The following RSF1 variants were observed in gnomAD, a reference collection of about 807,000 sequenced individuals.
The protein encoded by RSF1 is HBV pX-associated protein 8.
RSF1 carries 13 observed loss-of-function variants against 145.2 expected under a neutral mutation model. The observed-to-expected ratio is 0.09, with a 90% confidence interval of 0.06 to 0.14. The LOEUF is 0.14. Among genes scored for constraint, RSF1 ranks in the 10% least tolerant of loss-of-function variants. The pLI is 1.00. For synonymous variants in RSF1, 577 were observed against 592.6 expected (o/e 0.97, Z 0.38); for missense variants, 1,517 against 1,718.2 (o/e 0.88, Z 2.07).
chr11:77,749,398 G>A (rs1444024683), intron 2 of RSF1, among the ~76,000 whole-genome samples: 1 of 152,150 alleles, frequency 6.6e-6, no homozygotes, highest in Non-Finnish European at 1.5e-5. Context: ...TTGAGTGCTC[G>A]GTTGAGTACC....
chr11:77,731,288 G>C (rs1961201602), intron 4 of RSF1, among the ~76,000 whole-genome samples: 1 of 152,198 alleles, frequency 6.6e-6, no homozygotes, highest in Non-Finnish European at 1.5e-5. Context: ...ACATGAAGGA[G>C]ATGATTTAGG....
At chr11:77,685,671 TAAC>T (rs1010197841) in intron 9 of RSF1, among the ~76,000 whole-genome samples, 1 of 152,180 alleles carries the variant, frequency 6.6e-6, no homozygotes, top group African/African-American at 2.4e-5. Flanking sequence ...AGGGTTAAGA[TAAC>T]AATATCTTTC....
chr11:77,862,107 G>A, the RSF1 span, among the ~76,000 whole-genome samples: 2 of 152,098 alleles, frequency 1.3e-5, no homozygotes, highest in Non-Finnish European at 2.9e-5. Context: ...CTTCTAGCAC[G>A]CAAGGTAGCA....
At chr11:77,828,388 C>G in the RSF1 span, among the ~76,000 whole-genome samples, 1 of 152,030 alleles carries the variant, frequency 6.6e-6, no homozygotes, top group Non-Finnish European at 1.5e-5. Context: ...AAAATTATAG[C>G]CGGGTGCGGT....
In RSF1 at chr11:77,676,931, C is replaced by T; in HGVS notation, c.3202G>A (p.Asp1068Asn). The T allele has an allele frequency of 3.0e-6, 4 of 1,343,960 alleles. No homozygotes were observed. Among genetic ancestry groups the T allele is most frequent in the African/African-American group, 1.5e-5 (1 of 66,672 alleles). 83.3% of individuals were successfully genotyped at this position (1,343,960 alleles called of 1,614,324 possible). A position where few individuals can be genotyped will look rare whatever the true frequency, so the allele number is the denominator to read the frequency against. The change falls in exon 13 of 16, where the codon GAT (aspartate) becomes AAT (asparagine). Residue 1068 changes from aspartate to asparagine, a missense_variant. Physicochemically the swap from Asp to Asn is conservative, Grantham distance 23. Transcript: ENST00000308488. ...CGTTTATTTTCTTTTCTTTCTTCAT[C>T]CAAAATAGTAGAGATGTCTTTCCCA... Reference protein sequence around the residue: ...HRGKDISTILDEERKENKRPQ... With the variant: ...HRGKDISTILNEERKENKRPQ...
the RSF1 span, among the ~76,000 whole-genome samples, chr11:77,867,426 C>A: frequency 6.6e-6 from 1 of 152,194 alleles, no homozygotes; most frequent in Non-Finnish European, 1.5e-5. Context: ...AACTCCATTT[C>A]TTCTCATCCT....
chr11:77,680,517 A>G, intron 11 of RSF1, among the ~76,000 whole-genome samples: 1 of 152,180 alleles, frequency 6.6e-6, no homozygotes, highest in South Asian at 2.1e-4. Flanking sequence ...TGGGAGGCTG[A>G]GGCAGTAGGA....
rs369398739 is a variant in RSF1 at position 77,786,699 on chromosome 11, CCCT to C, written c.188-22013_188-22011del. On this transcript the variant is annotated intron_variant, in intron 1 of 15. Coordinates refer to ENST00000308488, the MANE Select transcript of RSF1 (RefSeq NM_016578.4). ...ATATTACATCAAGATGGTGGGCTCA[CCCT>C]CCTGCCCAAATCTCTTAAAATACAG... Among the ~76,000 whole-genome samples the C allele has an allele frequency of 1.6e-4, 25 of 152,226 alleles. No homozygotes were observed. In the East Asian group the frequency reaches 4.6e-3, roughly 28 times the overall value.
chr11:77,846,662 C>T, the RSF1 span, among the ~76,000 whole-genome samples: 7 of 152,242 alleles, frequency 4.6e-5, no homozygotes, highest in African/African-American at 1.2e-4. Context: ...GCCAAGATTG[C>T]GCCATTGCAC....
chr11:77,705,927 T>A (rs1960537719), intron 5 of RSF1, among the ~76,000 whole-genome samples: 1 of 152,104 alleles, frequency 6.6e-6, no homozygotes, highest in Non-Finnish European at 1.5e-5. Context: ...ATGTTGGATA[T>A]ACAAGTGTTT....
chr11:77,715,403 T>G (rs1437294060), intron 5 of RSF1, among the ~76,000 whole-genome samples: 1 of 152,216 alleles, frequency 6.6e-6, no homozygotes, highest in Non-Finnish European at 1.5e-5. Context: ...ACATCTGTAT[T>G]TATTAGTCTC....
chr11:77,785,562 C>A (rs1325936501), intron 1 of RSF1, among the ~76,000 whole-genome samples: 1 of 151,260 alleles, frequency 6.6e-6, no homozygotes, highest in Non-Finnish European at 1.5e-5. Flanking sequence ...TGCACTCCAG[C>A]CCAGGCAACA....
the RSF1 span, among the ~76,000 whole-genome samples, chr11:77,845,163 G>A: frequency 6.6e-6 from 1 of 152,056 alleles, no homozygotes; most frequent in Admixed American, 6.6e-5. Flanking sequence ...GGGAAGTTTA[G>A]AGCCATTATT....
At chr11:77,861,946 C>T in the RSF1 span, among the ~76,000 whole-genome samples, 8 of 152,178 alleles carry the variant, frequency 5.3e-5, no homozygotes, top group Non-Finnish European at 1.2e-4. Flanking sequence ...TAAGATTAGT[C>T]GGCCTTCAGT....
chr11:77,688,902 A>AC (rs1960079237), intron 9 of RSF1, among the ~76,000 whole-genome samples: 2 of 152,222 alleles, frequency 1.3e-5, no homozygotes, highest in Non-Finnish European at 2.9e-5. Flanking sequence ...AGTAAAAAAA[A>AC]CAAAACCTTT....
At chr11:77,777,675 A>G (rs956298925) in intron 1 of RSF1, among the ~76,000 whole-genome samples, 2 of 152,120 alleles carry the variant, frequency 1.3e-5, no homozygotes, top group African/African-American at 2.4e-5. Flanking sequence ...GACATTTTTA[A>G]AAGAGTTCCA....
chr11:77,860,151 T>G, the RSF1 span, among the ~76,000 whole-genome samples: 1 of 152,250 alleles, frequency 6.6e-6, no homozygotes, highest in Non-Finnish European at 1.5e-5. Context: ...TACGAAGTCT[T>G]GCCCCGTTGG....
intron 4 of RSF1, among the ~76,000 whole-genome samples, chr11:77,740,513 T>C (rs1961482988): frequency 1.3e-5 from 2 of 152,220 alleles, no homozygotes; most frequent in African/African-American, 2.4e-5. Context: ...TATGTGTATA[T>C]AATATGGACT....
chr11:77,668,626 T>C (rs895037502), intron 15 of RSF1, among the ~76,000 whole-genome samples: 4 of 152,238 alleles, frequency 2.6e-5, no homozygotes, highest in Admixed American at 6.5e-5. Context: ...TGAACATACA[T>C]AGACTTTTTT....
Sources: gnomAD v4.1 joint callset for allele counts (sites outside exome capture counted in the v4.1 genomes callset) on GRCh38, gnomAD v4.1.1 for gene constraint, MANE v1.5 for transcripts, NCBI Gene and HGNC (gene_info 2026-07-23, HGNC 2026-07-21) for gene names.